Variants in CADM2 observed in about 807,000 individuals in gnomAD.
The protein encoded by CADM2 is immunoglobulin superfamily member 4D.
In CADM2, 12 loss-of-function variants were observed where a neutral mutation model predicts 49.8. That is an observed-to-expected ratio of 0.24 (90% CI 0.15 to 0.39). CADM2 has a LOEUF of 0.39. Among genes scored for constraint, CADM2 ranks in the 10% least tolerant of loss-of-function variants. CADM2 has a pLI of 1.00. For synonymous variants in CADM2, 214 were observed against 175.4 expected (o/e 1.22, Z -1.74); for missense variants, 378 against 492.3 (o/e 0.77, Z 2.20).
At chr3:85,504,202 T>C (rs2040226137) in intron 1 of CADM2, among the ~76,000 whole-genome samples, 1 of 151,492 alleles carries the variant, frequency 6.6e-6, no homozygotes, top group East Asian at 2.0e-4. Flanking sequence ...GGCTCAGGAG[T>C]GAAGCTGCAG....
chr3:85,957,860 C>T (rs998297450), intron 7 of CADM2, among the ~76,000 whole-genome samples: 10 of 151,796 alleles, frequency 6.6e-5, no homozygotes, highest in Non-Finnish European at 1.0e-4. Flanking sequence ...AGGAGAAAAC[C>T]TAGGCAATAA....
intron 4 of CADM2, among the ~76,000 whole-genome samples, chr3:85,885,508 C>G (rs1713483314): frequency 6.6e-6 from 1 of 151,870 alleles, no homozygotes; most frequent in African/African-American, 2.4e-5. Flanking sequence ...CCCCCACCTC[C>G]CCGTATCTAC....
At position 85,599,018 on chromosome 3, in the gene CADM2, A is replaced by G. The variant is rs909383604; in HGVS notation, c.62-127504A>G. Reference sequence around the variant, plus strand: ...AAATCATTTATAACCCTTAAGAATTATATTGAATTTTCTAATTCAAGTACT... The same window carrying G: ...AAATCATTTATAACCCTTAAGAATTGTATTGAATTTTCTAATTCAAGTACT... On this transcript the variant is annotated intron_variant, in intron 1 of 9. Coordinates refer to ENST00000383699, the MANE Select transcript of CADM2 (RefSeq NM_001167675.2). 2.0e-5 allele frequency among the ~76,000 whole-genome samples: 3 copies of G among 151,950 alleles called. No homozygotes were observed. The East Asian group carries it at 5.8e-4, about 29-fold the overall frequency.
intron 8 of CADM2, among the ~76,000 whole-genome samples, chr3:86,038,504 C>G (rs1009768766): frequency 6.6e-6 from 1 of 152,154 alleles, no homozygotes; most frequent in South Asian, 2.1e-4. Flanking sequence ...CTAACTCCTT[C>G]GAAACATGTC....
intron 1 of CADM2, among the ~76,000 whole-genome samples, chr3:85,408,031 G>GA (rs2035480471): frequency 1.8e-5 from 1 of 55,994 alleles, no homozygotes; most frequent in Non-Finnish European, 4.1e-5. Flanking sequence ...AAAAAAAAAA[G>GA]AAGAAGAAGA....
intron 8 of CADM2, chr3:86,013,852 C>A: frequency 6.3e-7 from 1 of 1,593,606 alleles, no homozygotes; most frequent in Non-Finnish European, 8.6e-7. Flanking sequence ...GGATTTTCTT[C>A]CAAAATGAAA....
chr3:85,762,613 C>CTG (rs2069447154), intron 2 of CADM2, among the ~76,000 whole-genome samples: 2 of 147,978 alleles, frequency 1.4e-5, no homozygotes, highest in Admixed American at 6.8e-5. Context: ...CTCTCTCTCT[C>CTG]TCTCTCTCTG....
intron 8 of CADM2, chr3:85,992,837 G>C (rs1728947326): frequency 6.6e-6 from 1 of 152,150 alleles, no homozygotes; most frequent in Non-Finnish European, 1.5e-5. Context: ...GGTTAGAGTG[G>C]TAAGGCAATT....
chr3:85,728,732 G>A (rs2067809340), intron 2 of CADM2, among the ~76,000 whole-genome samples: 1 of 152,036 alleles, frequency 6.6e-6, no homozygotes, highest in Admixed American at 6.6e-5. Context: ...CTGGAATATT[G>A]GAGAGAGGAA....
intron 3 of CADM2, among the ~76,000 whole-genome samples, chr3:85,819,822 AAACTCTGCCTTCATGCAACTT>A (rs2108175667): frequency 6.6e-6 from 1 of 152,278 alleles, no homozygotes; most frequent in African/African-American, 2.4e-5. Flanking sequence ...AAAACAGGCA[AAACTCTGCCTTCATGCAACTT>A]ACTCTCAGAT....
chr3:85,887,847 G>T (rs1713881453), intron 5 of CADM2, among the ~76,000 whole-genome samples: 1 of 152,134 alleles, frequency 6.6e-6, no homozygotes, highest in Non-Finnish European at 1.5e-5. Context: ...TGCTTCCAGA[G>T]TTATCTTACT....
intron 1 of CADM2, among the ~76,000 whole-genome samples, chr3:85,100,303 G>C (rs938206982): frequency 6.6e-6 from 1 of 152,192 alleles, no homozygotes; most frequent in Non-Finnish European, 1.5e-5. Flanking sequence ...ACCATCGGTT[G>C]TGGGTTGCCA....
At chr3:84,966,534 AACAC>A (rs1559593544) in intron 1 of CADM2, among the ~76,000 whole-genome samples, 1 of 152,054 alleles carries the variant, frequency 6.6e-6, no homozygotes, top group Non-Finnish European at 1.5e-5. Flanking sequence ...TCCACAAAAA[AACAC>A]ACACACAAGT....
intron 3 of CADM2, among the ~76,000 whole-genome samples, chr3:85,820,427 T>C (rs929607579): frequency 4.6e-5 from 7 of 152,036 alleles, no homozygotes; most frequent in Admixed American, 2.6e-4. Context: ...AAGATGAAGT[T>C]GGTTTGGATC....
chr3:85,320,355 A>G (rs1164557284), intron 1 of CADM2, among the ~76,000 whole-genome samples: 1 of 152,220 alleles, frequency 6.6e-6, no homozygotes, highest in East Asian at 1.9e-4. Context: ...GCATAAACCT[A>G]AAATATGAAC....
intron 1 of CADM2, among the ~76,000 whole-genome samples, chr3:85,667,663 G>A (rs1450295196): frequency 1.3e-5 from 2 of 151,944 alleles, no homozygotes; most frequent in East Asian, 3.9e-4. Flanking sequence ...GACTACTCAG[G>A]GAGTATTCTG....
At chr3:85,890,674 C>A (rs1714295585) in intron 5 of CADM2, among the ~76,000 whole-genome samples, 2 of 147,666 alleles carry the variant, frequency 1.4e-5, no homozygotes, top group South Asian at 4.3e-4. Flanking sequence ...GCTATCAGTT[C>A]ATGAAAAAAA....
chr3:85,983,775 ATATC>A (rs907511707), intron 8 of CADM2, among the ~76,000 whole-genome samples: 14 of 143,878 alleles, frequency 9.7e-5, no homozygotes, highest in Admixed American at 2.9e-4. Flanking sequence ...GGTACCATTT[ATATC>A]TATCTGTCTA....
rs140901404 is a variant in CADM2 at position 85,302,406 on chromosome 3, A to C, written c.61+342738A>C. 1.6e-3 allele frequency among the ~76,000 whole-genome samples: 239 copies of C among 152,144 alleles called. 1 individual carries two copies. Among genetic ancestry groups the C allele is most frequent in the African/African-American group, 5.3e-3 (219 of 41,532 alleles). On this transcript the variant is annotated intron_variant, in intron 1 of 9. Transcript: ENST00000383699. ...ATGTCCATTAAAAATGTGACTTGACATAGCTAGAGACTTTAGTGTGTTTTC... is the reference window on the plus strand; with the variant it reads ...ATGTCCATTAAAAATGTGACTTGACCTAGCTAGAGACTTTAGTGTGTTTTC...
Sources: allele counts gnomAD v4.1 joint callset (sites outside exome capture counted in the v4.1 genomes callset), GRCh38; gene constraint gnomAD v4.1.1; transcripts MANE v1.5; gene names NCBI Gene and HGNC (gene_info 2026-07-23, HGNC 2026-07-21).